Variants in ADAMTS3 observed in about 807,000 individuals in gnomAD.
ADAMTS3 encodes ADAM metallopeptidase with thrombospondin type 1 motif 3.
Under a neutral mutation model 129.0 loss-of-function variants are expected in ADAMTS3, and 73 were observed. The observed-to-expected ratio is 0.57, with a 90% CI of 0.47 to 0.69. The LOEUF (loss-of-function observed/expected upper bound fraction) is 0.69. Among genes scored for constraint, ADAMTS3 ranks in the 30% least tolerant of loss-of-function variants. ADAMTS3 has a pLI of 0.00. For missense variants in ADAMTS3, 1,457 were observed against 1,514.5 expected, an observed-to-expected ratio of 0.96 and a Z score of 0.63; for synonymous variants, 477 against 510.8, an observed-to-expected ratio of 0.93 and a Z score of 0.89.
intron 3 of ADAMTS3, among the ~76,000 whole-genome samples, chr4:72,480,545 T>A (rs112988667): frequency 0.04 from 6,030 of 150,414 alleles, 146 homozygotes; most frequent in Non-Finnish European, 0.048. Context: ...GGGACTGTTG[T>A]GGGGTCGGGG....
chr4:72,523,817 A>C (rs1376754527), intron 3 of ADAMTS3, among the ~76,000 whole-genome samples: 4 of 152,110 alleles, frequency 2.6e-5, no homozygotes, highest in Admixed American at 1.3e-4. Context: ...GTGACTTATA[A>C]ATGCAAGATT....
chr4:72,406,930 G>T (rs958008825), intron 4 of ADAMTS3, among the ~76,000 whole-genome samples: 1 of 152,070 alleles, frequency 6.6e-6, no homozygotes, highest in African/African-American at 2.4e-5. Context: ...AAGGGTGCTG[G>T]TGAGTGACAA....
chr4:72,325,808 A>C (rs188094238), intron 5 of ADAMTS3, among the ~76,000 whole-genome samples: 14 of 152,242 alleles, frequency 9.2e-5, no homozygotes, highest in Non-Finnish European at 1.8e-4. Flanking sequence ...AAGTCTTAGA[A>C]TAATAAAATG....
intron 12 of ADAMTS3, 107 bp downstream of exon 12, chr4:72,313,570 C>A: frequency 8.4e-7 from 1 of 1,184,338 alleles, no homozygotes; most frequent in South Asian, 1.7e-5. Context: ...ATTTATTTTC[C>A]TGCCCTGTGT....
At chr4:72,456,699 C>T (rs1718630174) in intron 3 of ADAMTS3, among the ~76,000 whole-genome samples, 1 of 151,470 alleles carries the variant, frequency 6.6e-6, no homozygotes, top group African/African-American at 2.4e-5. Flanking sequence ...TACCTTTCCC[C>T]TAAGCTAACA....
rs1413607626 is a variant in ADAMTS3, at chr4:72,414,689, A to T, written c.661+126T>A. ...CACATTTCATGATTTATAAATGTAA[A>T]CTTCTTTTTCTATCTCCGCGTTATA... On this transcript the variant is annotated intron_variant, in intron 4 of 21. Transcript: ENST00000286657. 5.3e-5 allele frequency: 36 copies of T among 680,194 alleles called. No individual in the cohort carries two copies. In the East Asian group the frequency reaches 1.2e-3, roughly 23 times the overall value. The allele number at this position is 680,194 out of a possible 1,614,324, so 42.1% of individuals were successfully genotyped here.
Position 72,288,800 on chromosome 4 carries a change from A to G in ADAMTS3, c.3000T>C (p.Asp1000=), listed in dbSNP as rs759780598. 1.1e-5 allele frequency: 18 copies of G among 1,613,862 alleles called. 1 individual carries two copies. The highest frequency in any genetic ancestry group is 5.0e-5 in the Admixed American group (3 of 59,990). ...CTCTGACCGACTCAGGCTTTTCACCATCACAGTGGTCCCCAGCCCTGCAGA... is the reference window on the plus strand; with the variant it reads ...CTCTGACCGACTCAGGCTTTTCACCGTCACAGTGGTCCCCAGCCCTGCAGA... ...QVLCRAGDHC[D]GEKPESVRAC... is the part of the protein sequence containing the mutation. Residue 1000 remains aspartate (D), a synonymous_variant, in exon 21 of 22, where the codon GAT becomes GAC. Coordinates refer to ENST00000286657, the MANE Select transcript of ADAMTS3 (RefSeq NM_014243.3).
chr4:72,372,367 T>C (rs1434539413), intron 4 of ADAMTS3, among the ~76,000 whole-genome samples: 3 of 151,976 alleles, frequency 2.0e-5, no homozygotes, highest in Non-Finnish European at 4.4e-5. Flanking sequence ...TAAGTACAAA[T>C]TGCCAATATA....
At chr4:72,371,232 G>C (rs1370057968) in intron 4 of ADAMTS3, among the ~76,000 whole-genome samples, 1 of 152,028 alleles carries the variant, frequency 6.6e-6, no homozygotes, top group Non-Finnish European at 1.5e-5. Flanking sequence ...CACATAGTTG[G>C]TGGTACTTTG....
At position 72,455,666 on chromosome 4, in the gene ADAMTS3, T is replaced by C. The variant is rs192672089; in HGVS notation, c.505-40695A>G. The stretch of plus-strand genomic sequence containing the variant: ...AAAGAAATATGTTGGACAGTTTCTT[T>C]AAAAAGATTACCTTTCTTCCGGATT... On this transcript the variant is annotated intron_variant, in intron 3 of 21. Transcript: ENST00000286657. Among the ~76,000 whole-genome samples the C allele has an allele frequency of 2.6e-3, 382 of 148,718 alleles. 2 individuals carry two copies. Among genetic ancestry groups the C allele is most frequent in the African/African-American group, 9.0e-3 (367 of 40,694 alleles).
rs1718371688 is a variant in ADAMTS3 at position 72,282,320 on chromosome 4, T to A, written c.*816A>T. 6.6e-6 allele frequency: 1 copy of A among 152,226 alleles called. No homozygotes were observed. Among genetic ancestry groups the A allele is most frequent in the African/African-American group, 2.4e-5 (1 of 41,462 alleles). 9.4% of individuals were successfully genotyped at this position (152,226 alleles called of 1,614,324 possible). On this transcript the variant is annotated 3_prime_UTR_variant, in exon 22 of 22. Coordinates refer to ENST00000286657, the MANE Select transcript of ADAMTS3 (RefSeq NM_014243.3). ...GAGTTCATTATTTACTATTCGTTGA[T>A]CCCTGTGACCACAAGTGTACTAAGA...
In ADAMTS3 at chr4:72,568,693, C is replaced by T. The variant is rs761715481; in HGVS notation, c.69+1G>A. The T allele has an allele frequency of 6.2e-7, 1 of 1,612,888 alleles. No homozygotes were observed. The highest frequency in any genetic ancestry group is 8.5e-7 in the Non-Finnish European group (1 of 1,179,288). ...TTTTATTGTTATTATTTTCCACTTA[C>T]TTGTCCATCAGCTGAAGTCCTAACC... is the stretch of plus-strand genomic sequence containing the variant. On this transcript the variant is annotated splice_donor_variant, in intron 1 of 21. Coordinates refer to ENST00000286657, the MANE Select transcript of ADAMTS3 (RefSeq NM_014243.3). LOFTEE classifies it high-confidence loss of function.
intron 21 of ADAMTS3, among the ~76,000 whole-genome samples, chr4:72,287,926 C>T (rs1263276872): frequency 2.0e-5 from 3 of 152,170 alleles, no homozygotes; most frequent in African/African-American, 7.2e-5. Flanking sequence ...AATGCAGTGG[C>T]GTGATCTCAG....
rs567138408 is a variant in ADAMTS3, at chr4:72,481,021, T to A, written c.505-66050A>T. ...AAAAACATGTATAAAACCTGTATGC[T>A]GAAACTTACACAATATTGGTGAAAG... On this transcript the variant is annotated intron_variant, in intron 3 of 21. Coordinates refer to ENST00000286657, the MANE Select transcript of ADAMTS3 (RefSeq NM_014243.3). Among the ~76,000 whole-genome samples the A allele has an allele frequency of 6.6e-5, 10 of 152,190 alleles. 1 individual carries two copies. The South Asian group carries it at 2.1e-3, about 32-fold the overall frequency.
At chr4:72,345,038 A>G (rs1161127819) in intron 4 of ADAMTS3, among the ~76,000 whole-genome samples, 1 of 152,188 alleles carries the variant, frequency 6.6e-6, no homozygotes, top group African/African-American at 2.4e-5. Flanking sequence ...CCCTATGAGA[A>G]TGCAAGCCAA....
At chr4:72,506,731 AGT>A (rs1720168599) in intron 3 of ADAMTS3, among the ~76,000 whole-genome samples, 1 of 152,160 alleles carries the variant, frequency 6.6e-6, no homozygotes, top group Non-Finnish European at 1.5e-5. Flanking sequence ...CCAGTGGAAA[AGT>A]GTGTCACAGA....
chr4:72,302,293 A>G (rs1718970566), intron 17 of ADAMTS3, among the ~76,000 whole-genome samples: 1 of 57,228 alleles, frequency 1.7e-5, no homozygotes, highest in African/African-American at 7.1e-5. Context: ...ATTCAGCCGA[A>G]AAATGGAAAT....
At chr4:72,563,862 T>C (rs2109808633) in intron 2 of ADAMTS3, among the ~76,000 whole-genome samples, 1 of 152,282 alleles carries the variant, frequency 6.6e-6, no homozygotes, top group African/African-American at 2.4e-5. Context: ...AGCACTGTTT[T>C]ATGTACTAGA....
intron 3 of ADAMTS3, among the ~76,000 whole-genome samples, chr4:72,520,957 T>C (rs543550121): frequency 7.2e-5 from 11 of 151,948 alleles, no homozygotes; most frequent in Admixed American, 3.3e-4. Flanking sequence ...AGCTGTAGAC[T>C]AGCGCTGTTC....
Sources: gnomAD v4.1 joint callset for allele counts (sites outside exome capture counted in the v4.1 genomes callset) on GRCh38, gnomAD v4.1.1 for gene constraint, MANE v1.5 for transcripts, NCBI Gene and HGNC (gene_info 2026-07-23, HGNC 2026-07-21) for gene names.